PREX1: variants seen among roughly 807,000 people sequenced by gnomAD.
The protein encoded by PREX1 is phosphatidylinositol 3,4,5-trisphosphate-dependent Rac exchanger 1 protein.
PREX1 carries 41 observed loss-of-function variants against 198.3 expected under a neutral mutation model. The observed-to-expected ratio is 0.21, with a 90% confidence interval of 0.16 to 0.27. The LOEUF is 0.27. Ranked by LOEUF, PREX1 falls within the 10% of genes least tolerant of loss-of-function variation. The pLI is 1.00. For synonymous variants in PREX1, 843 were observed against 887.2 expected (o/e 0.95, Z 0.89); for missense variants, 1,620 against 2,200.7 (o/e 0.74, Z 5.28).
chr20:48,641,523 A>G (rs2089409900), intron 29 of PREX1, among the ~76,000 whole-genome samples: 1 of 152,104 alleles, frequency 6.6e-6, no homozygotes, highest in South Asian at 2.1e-4. Context: ...ACAGTGGCTC[A>G]TACCTGGAAT....
At chr20:48,772,993 G>A (rs1354022354) in intron 1 of PREX1, among the ~76,000 whole-genome samples, 5 of 152,292 alleles carry the variant, frequency 3.3e-5, no homozygotes, top group African/African-American at 7.2e-5. Flanking sequence ...CTGGCCAGGC[G>A]CGGTGGCTCA....
At chr20:48,844,577 A>G in the PREX1 span, among the ~76,000 whole-genome samples, 1 of 152,268 alleles carries the variant, frequency 6.6e-6, no homozygotes, top group South Asian at 2.1e-4. Flanking sequence ...TCTCAAAACA[A>G]GATACAGGAA....
At chr20:48,826,713 G>A (rs1426969322) in intron 1 of PREX1, among the ~76,000 whole-genome samples, 1 of 152,156 alleles carries the variant, frequency 6.6e-6, no homozygotes, top group Non-Finnish European at 1.5e-5. Context: ...AAATTAGTCG[G>A]CCGTGGTGGC....
At chr20:48,688,553 ATG>A (rs1601077609) in intron 10 of PREX1, 102 bp downstream of exon 10, 10 of 1,449,232 alleles carry the variant, frequency 6.9e-6, no homozygotes, top group South Asian at 1.3e-5. Context: ...TCTGCCCAGG[ATG>A]GCTCCTGGGC....
At chr20:48,674,090 G>C (rs1216552477) in intron 14 of PREX1, among the ~76,000 whole-genome samples, 4 of 152,192 alleles carry the variant, frequency 2.6e-5, no homozygotes, top group African/African-American at 9.7e-5. Context: ...ACGAGGGCTG[G>C]GGAGTGTGGT....
Position 48,666,342 on chromosome 20 carries a change from G to C in PREX1, c.1679C>G (p.Thr560Ser), listed in dbSNP as rs1402748088. ...DWLLAQGDCQ[T>S]REEAVALGVG... is the part of the protein sequence containing the mutation. ...GCCGAGCGCCACTGCCTCCTCCCGA[G>C]TCTGGCAGTCTCCCTGGAATGGAAC... Residue 560 changes from threonine to serine, a missense_variant, in exon 15 of 40, where the codon ACT (threonine) becomes AGT (serine). Physicochemically the swap from Thr to Ser is moderately conservative, Grantham distance 58. This residue lies in a region of PREX1 where 488 missense variants were observed against 802.5 expected (regional missense o/e 0.61). Coordinates refer to ENST00000371941, the MANE Select transcript of PREX1 (RefSeq NM_020820.4). The surrounding 1 kb of genome is among the most constrained non-coding windows in gnomAD (Gnocchi z 4.3). The C allele has an allele frequency of 6.4e-7, 1 of 1,562,904 alleles. No individual in the cohort carries two copies. Among genetic ancestry groups the C allele is most frequent in the Non-Finnish European group, 8.7e-7 (1 of 1,154,234 alleles).
At chr20:48,738,216 C>T (rs142330422) in intron 3 of PREX1, among the ~76,000 whole-genome samples, 4 of 152,102 alleles carry the variant, frequency 2.6e-5, no homozygotes, top group African/African-American at 9.7e-5. Context: ...GATTCTGGGG[C>T]CCCACAGGAA....
chr20:48,738,904 G>A lies in PREX1; in HGVS notation c.415-4254C>T, dbSNP rs529625598. ...CCATGCAGACATATTCTCCAGTGGG[G>A]AGGAGAGAAGTGAGAATCAGGTCTC... On this transcript the variant is annotated intron_variant, in intron 3 of 39. Coordinates refer to ENST00000371941, the MANE Select transcript of PREX1 (RefSeq NM_020820.4). Among the ~76,000 whole-genome samples the A allele has an allele frequency of 1.4e-4, 22 of 152,298 alleles. No homozygotes were observed. In the South Asian group the frequency reaches 4.6e-3, roughly 32 times the overall value.
intron 1 of PREX1, among the ~76,000 whole-genome samples, chr20:48,816,932 T>C (rs1411323410): frequency 6.6e-6 from 1 of 152,176 alleles, no homozygotes; most frequent in East Asian, 1.9e-4. Flanking sequence ...ACTAAATGTG[T>C]GGTAACTTGT....
chr20:48,631,046 A>G (rs2122813071), intron 35 of PREX1, among the ~76,000 whole-genome samples: 1 of 152,166 alleles, frequency 6.6e-6, no homozygotes, highest in Middle Eastern at 3.4e-3. Context: ...AGCAGCCCCC[A>G]GCCCTCTGCT....
chr20:48,885,272 T>C, the PREX1 span, among the ~76,000 whole-genome samples: 1 of 152,032 alleles, frequency 6.6e-6, no homozygotes, highest in Admixed American at 6.6e-5. Context: ...CCTAAAAGAG[T>C]GTGTGTGGCA....
chr20:48,632,245 T>C, intron 35 of PREX1, 32 bp downstream of exon 35: 4 of 1,605,624 alleles, frequency 2.5e-6, no homozygotes, highest in Non-Finnish European at 3.4e-6. Context: ...GTTTCCTGAC[T>C]CCTGCCCCCA....
Position 48,827,950 on chromosome 20 carries a change from G to T in PREX1, c.-90C>A. The T allele has an allele frequency of 2.3e-6, 1 of 433,696 alleles. No individual in the cohort carries two copies. The highest frequency in any genetic ancestry group is 9.2e-5 in the South Asian group (1 of 10,898). The allele number at this position is 433,696 out of a possible 1,614,324, so 26.9% of individuals were successfully genotyped here. On this transcript the variant is annotated 5_prime_UTR_variant, in exon 1 of 40. Coordinates refer to ENST00000371941, the MANE Select transcript of PREX1 (RefSeq NM_020820.4). This position sits in a 1 kb window ranked among gnomAD's most constrained non-coding sequence, Gnocchi z 4.1. ...GCCCCATCCCGGACGGGGCGCGCCG[G>T]CGGGCCGGGCTCAGCGGCGGGCCGG...
chr20:48,746,094 C>T (rs937699143), intron 2 of PREX1, among the ~76,000 whole-genome samples: 4 of 152,212 alleles, frequency 2.6e-5, no homozygotes, highest in African/African-American at 9.7e-5. Flanking sequence ...AAACTTGGCT[C>T]AGTGCAACCT....
chr20:48,648,019 C>CA (rs980185462), intron 25 of PREX1, among the ~76,000 whole-genome samples: 6 of 152,306 alleles, frequency 3.9e-5, no homozygotes, highest in Non-Finnish European at 8.8e-5. Flanking sequence ...CATCCTGCCT[C>CA]AGCACACTGA....
intron 1 of PREX1, among the ~76,000 whole-genome samples, chr20:48,762,750 T>G (rs1183364151): frequency 6.7e-6 from 1 of 150,178 alleles, no homozygotes; most frequent in Non-Finnish European, 1.5e-5. Context: ...TCACCCAGGC[T>G]GGAGTGCAGT....
At chr20:48,850,006 G>A in the PREX1 span, among the ~76,000 whole-genome samples, 1 of 152,264 alleles carries the variant, frequency 6.6e-6, no homozygotes, top group East Asian at 1.9e-4. Flanking sequence ...ACTTCTCTGT[G>A]CATCAGTTTT....
At chr20:48,649,247 G>T in intron 25 of PREX1, 53 bp downstream of exon 25, 1 of 1,580,816 alleles carries the variant, frequency 6.3e-7, no homozygotes. Context: ...AGTAAGGCCA[G>T]GATTGAGAAC....
intron 36 of PREX1, 82 bp downstream of exon 36, chr20:48,630,646 C>G (rs1300435639): frequency 1.3e-5 from 17 of 1,296,438 alleles, no homozygotes; most frequent in Middle Eastern, 1.9e-4. Flanking sequence ...GGGGCACAAC[C>G]CTGGGCCTGT....
Sources: allele counts gnomAD v4.1 joint callset (sites outside exome capture counted in the v4.1 genomes callset), GRCh38; gene constraint gnomAD v4.1.1; regional missense constraint gnomAD v4.1.1; non-coding constraint Gnocchi (gnomAD v3.1); transcripts MANE v1.5; gene names NCBI Gene and HGNC (gene_info 2026-07-23, HGNC 2026-07-21).